Variants in TNS3 observed in about 807,000 individuals in gnomAD.
TNS3 encodes the protein tensin 3.
TNS3 carries 45 observed loss-of-function variants against 140.9 expected under a neutral mutation model. That is an observed-to-expected ratio of 0.32 (90% CI 0.25 to 0.41). The LOEUF (loss-of-function observed/expected upper bound fraction) is 0.41. Among genes scored for constraint, TNS3 ranks in the 10% least tolerant of loss-of-function variants. The pLI, the probability that TNS3 is intolerant of heterozygous loss-of-function variation, is 1.00. For synonymous variants in TNS3, 815 were observed against 788.4 expected (o/e 1.03, Z -0.56); for missense variants, 1,716 against 1,906.7 (o/e 0.90, Z 1.86).
intron 24 of TNS3, among the ~76,000 whole-genome samples, chr7:47,296,739 C>T (rs1408762492): frequency 5.9e-5 from 9 of 152,238 alleles, no homozygotes; most frequent in East Asian, 3.9e-4. Context: ...AAGACACACA[C>T]GAATCTACTC....
intron 16 of TNS3, among the ~76,000 whole-genome samples, chr7:47,381,644 G>A (rs958619018): frequency 1.3e-5 from 2 of 152,170 alleles, no homozygotes; most frequent in Admixed American, 6.5e-5. Context: ...TGCACGCAGA[G>A]GGTAACAAAT....
At chr7:47,576,078 T>C (rs559556300) in intron 1 of TNS3, among the ~76,000 whole-genome samples, 4 of 152,248 alleles carry the variant, frequency 2.6e-5, no homozygotes, top group African/African-American at 9.6e-5. Context: ...TGGAAACACC[T>C]GTCCTTGATC....
In TNS3 at chr7:47,563,916, G is replaced by A. The variant is rs188842233; in HGVS notation, c.-265+18135C>T. On this transcript the variant is annotated intron_variant, in intron 1 of 30. Transcript: ENST00000311160. ...TTACATATGATTAACATTTAAGGCC[G>A]GGCGCGGTGGCTCACGCCTGTAATC... Among the ~76,000 whole-genome samples the A allele has an allele frequency of 1.3e-3, 196 of 152,246 alleles. 1 individual carries two copies. The highest frequency in any genetic ancestry group is 4.3e-3 in the African/African-American group (180 of 41,538).
intron 10 of TNS3, among the ~76,000 whole-genome samples, chr7:47,421,961 C>T (rs947630572): frequency 3.9e-5 from 6 of 152,146 alleles, no homozygotes; most frequent in African/African-American, 1.4e-4. Context: ...CTAAAGCAGC[C>T]TGCAGCGCAC....
At chr7:47,515,458 T>TCATCAC (rs1384854257) in intron 2 of TNS3, among the ~76,000 whole-genome samples, 1 of 151,996 alleles carries the variant, frequency 6.6e-6, no homozygotes, top group Admixed American at 6.6e-5. Context: ...ATCAACATCA[T>TCATCAC]CATCACCATC....
At chr7:47,333,387 C>T (rs560217341) in intron 20 of TNS3, among the ~76,000 whole-genome samples, 17 of 152,344 alleles carry the variant, frequency 1.1e-4, no homozygotes, top group African/African-American at 3.6e-4. Context: ...ATGCAAAGTA[C>T]ATCACAGGCA....
At chr7:47,506,486 A>T (rs10264597) in intron 3 of TNS3, among the ~76,000 whole-genome samples, 1 of 152,002 alleles carries the variant, frequency 6.6e-6, no homozygotes, top group Non-Finnish European at 1.5e-5. Context: ...TGGCAGCTGA[A>T]AACCCCAATC....
At chr7:47,526,544 G>T (rs1207528478) in intron 2 of TNS3, among the ~76,000 whole-genome samples, 1 of 152,210 alleles carries the variant, frequency 6.6e-6, no homozygotes, top group East Asian at 1.9e-4. Context: ...AGGAGACTTT[G>T]CCCCTGTCAG....
chr7:47,345,112 G>C, intron 18 of TNS3, 74 bp from the exon 19 acceptor site: 1 of 1,204,380 alleles, frequency 8.3e-7, no homozygotes, highest in East Asian at 2.4e-5. Context: ...TTGTGGTTGT[G>C]GCTCCCCCAG....
chr7:47,384,725 C>A (rs1225514250), intron 16 of TNS3, among the ~76,000 whole-genome samples: 1 of 152,156 alleles, frequency 6.6e-6, no homozygotes, highest in Non-Finnish European at 1.5e-5. Context: ...TCCCTCAGCA[C>A]AGTGGAGTCA....
chr7:47,562,385 CT>C (rs11348830), intron 1 of TNS3, among the ~76,000 whole-genome samples: 135,460 of 143,992 alleles, frequency 0.94, 63,729 homozygotes, highest in East Asian at 0.99. Flanking sequence ...CATCTGCTGC[CT>C]TTTTTTTTTT....
At chr7:47,437,157 CTTATCAAGTCACA>C in intron 7 of TNS3, 93 bp downstream of exon 7, 1 of 698,250 alleles carries the variant, frequency 1.4e-6, no homozygotes, top group Non-Finnish European at 2.4e-6. Flanking sequence ...CCTAATACTC[CTTATCAAGTCACA>C]TTCCACAAAG....
At position 47,368,631 on chromosome 7, in the gene TNS3, T is replaced by A; in HGVS notation, c.2015A>T (p.Asp672Val). The stretch of plus-strand genomic sequence containing the variant: ...TGGGCCGGCTCCATTCACAACCTGG[T>A]CTCCTGGAAACCTGGGTTTGAACGC... Reference protein sequence around the residue: ...SKAFKPRFPGDQVVNGAGPEL... With the variant: ...SKAFKPRFPGVQVVNGAGPEL... The change falls in exon 17 of 31, where the codon GAC becomes GTC. Residue 672 changes from aspartate (D) to valine (V), a missense_variant. Physicochemically the swap from Asp to Val is radical, Grantham distance 152. Coordinates refer to ENST00000311160, the MANE Select transcript of TNS3 (RefSeq NM_022748.12). The A allele has an allele frequency of 6.3e-7, 1 of 1,598,420 alleles. No individual in the cohort carries two copies. The highest frequency in any genetic ancestry group is 1.1e-5 in the South Asian group (1 of 87,670).
intron 16 of TNS3, among the ~76,000 whole-genome samples, chr7:47,379,092 T>A (rs1305080775): frequency 1.3e-5 from 2 of 152,068 alleles, no homozygotes; most frequent in Non-Finnish European, 2.9e-5. Context: ...AAGGCAGGGT[T>A]GAATGGGGTT....
chr7:47,486,252 G>A (rs1262431036), intron 3 of TNS3, among the ~76,000 whole-genome samples: 13 of 152,038 alleles, frequency 8.6e-5, no homozygotes, highest in South Asian at 2.1e-4. Flanking sequence ...GGGTGTGAGC[G>A]TGTGTGCTTG....
At chr7:47,315,219 GACCCA>G (rs2150797359) in intron 20 of TNS3, among the ~76,000 whole-genome samples, 1 of 152,292 alleles carries the variant, frequency 6.6e-6, no homozygotes, top group South Asian at 2.1e-4. Context: ...TTGCTGCTCA[GACCCA>G]GAGCAGGAGG....
intron 2 of TNS3, among the ~76,000 whole-genome samples, chr7:47,510,589 C>A (rs895739717): frequency 7.2e-5 from 11 of 151,994 alleles, no homozygotes; most frequent in Non-Finnish European, 1.5e-4. Flanking sequence ...AGACTAGTAC[C>A]CAGGCCAGGT....
rs1470777654 is a variant in TNS3, at chr7:47,541,713, C to CTGAG, written c.-264-12570_-264-12567dup. 5.3e-5 allele frequency among the ~76,000 whole-genome samples: 8 copies of CTGAG among 152,232 alleles called. No homozygotes were observed. In the East Asian group the frequency reaches 1.5e-3, roughly 29 times the overall value. Reference sequence around the variant, plus strand: ...CCTGTAATCCCAGCACTTTGTGAGGCTGAGGCGAGCGGATCACAAGGTCAG... The same window carrying CTGAG: ...CCTGTAATCCCAGCACTTTGTGAGGCTGAGTGAGGCGAGCGGATCACAAGGTCAG... On this transcript the variant is annotated intron_variant, in intron 1 of 30. Transcript: ENST00000311160.
At chr7:47,348,680 A>G (rs1238582636) in intron 17 of TNS3, among the ~76,000 whole-genome samples, 1 of 152,196 alleles carries the variant, frequency 6.6e-6, no homozygotes, top group African/African-American at 2.4e-5. Flanking sequence ...AAAAATAGTA[A>G]TAATAATAAA....
Sources: gnomAD v4.1 joint callset for allele counts (sites outside exome capture counted in the v4.1 genomes callset) on GRCh38, gnomAD v4.1.1 for gene constraint, MANE v1.5 for transcripts, NCBI Gene and HGNC (gene_info 2026-07-23, HGNC 2026-07-21) for gene names.